Variants in TMEM141 observed in about 807,000 individuals in gnomAD.
TMEM141 encodes transmembrane protein 141.
TMEM141 carries 18 observed loss-of-function variants against 15.9 expected under a neutral mutation model. The ratio of observed to expected loss-of-function variants is 1.13; its 90% CI spans 0.78 to 1.68. TMEM141 has a LOEUF of 1.68. Ranked by LOEUF, TMEM141 falls within the 40% of genes most tolerant of loss-of-function variation. The pLI, the probability that TMEM141 is intolerant of heterozygous loss-of-function variation, is 0.00. For missense variants in TMEM141, 161 were observed against 139.5 expected (o/e 1.15, Z -0.78); for synonymous variants, 69 against 54.0 (o/e 1.28, Z -1.22).
In TMEM141 at chr9:136,791,949, A is replaced by G. The variant is rs1471833527; in HGVS notation, c.124A>G (p.Thr42Ala). Residue 42 changes from threonine (T) to alanine (A), a missense_variant and splice_region_variant, in exon 3 of 5, where the codon ACC (threonine) becomes GCC (alanine). Transcript: ENST00000290079. The part of the protein sequence containing the change: ...MKGVFTFVTG[T>A]GMAFGLQMFI... ...ATGGGGACCTCGGCTCTTTGCAGGC[A>G]CCGGCATGGCCTTTGGCTTGCAGAT... is the stretch of plus-strand genomic sequence containing the variant. The G allele has an allele frequency of 1.9e-6, 3 of 1,613,980 alleles. No individual in the cohort carries two copies. Among genetic ancestry groups the G allele is most frequent in the African/African-American group, 2.7e-5 (2 of 74,926 alleles).
chr9:136,792,149 C>A, intron 3 of TMEM141, 102 bp from the exon 4 acceptor site: 1 of 1,498,284 alleles, frequency 6.7e-7, no homozygotes, highest in Non-Finnish European at 9.1e-7. Context: ...GGGAGCCCCA[C>A]CTGAGCCCAC....
rs1444935590 is a variant in TMEM141 at position 136,792,839 on chromosome 9, T to G, written c.*7T>G. The G allele has an allele frequency of 6.4e-7, 1 of 1,559,246 alleles. No homozygotes were observed. Among genetic ancestry groups the G allele is most frequent in the Admixed American group, 1.9e-5 (1 of 52,422 alleles). ...TACAGATCAGAGAAGCTAGGAGAGC[T>G]CCAGCAGGGGCACAGAGGATTGGGG... On this transcript the variant is annotated 3_prime_UTR_variant, in exon 5 of 5. Transcript: ENST00000290079.
At position 136,791,389 on chromosome 9, in the gene TMEM141, T is replaced by A. The variant is rs934913348; in HGVS notation, c.19T>A (p.Ser7Thr). 1 of 1,561,324 alleles carries A rather than the reference T, an allele frequency of 6.4e-7. No individual in the cohort carries two copies. The highest frequency in any genetic ancestry group is 1.4e-5 in the African/African-American group (1 of 73,614). The part of the protein sequence containing the change: MVNLGL[S>T]RVDDAVAAKH... ...GCCAACCATGGTGAACTTGGGTCTG[T>A]CCCGGGTGGACGACGCCGTGGCTGC... Residue 7 changes from serine (S) to threonine (T), a missense_variant, in exon 1 of 5, where the codon TCC (serine) becomes ACC (threonine). By Grantham distance (58) the Ser-to-Thr change is moderately conservative. Coordinates refer to ENST00000290079, the MANE Select transcript of TMEM141 (RefSeq NM_032928.4).
rs780128727 is a variant in TMEM141, at chr9:136,792,294, G to A, written c.249G>A (p.Ser83=). 8.8e-6 allele frequency: 14 copies of A among 1,590,064 alleles called. No individual in the cohort carries two copies. The highest frequency in any genetic ancestry group is 2.7e-5 in the African/African-American group (2 of 74,412). ...GCTACGGGGTGACGAGAGTGGAGTC[G>A]GAGAAATGCAACAACCTCTGGCTCT... ...VVSYGVTRVE[S]EKCNNLWLFL... The change falls in exon 4 of 5, where the codon TCG becomes TCA. Residue 83 remains serine, a synonymous_variant. Coordinates refer to ENST00000290079, the MANE Select transcript of TMEM141 (RefSeq NM_032928.4).
At position 136,791,932 on chromosome 9, in the gene TMEM141, C is replaced by T. The variant is rs762443685; in HGVS notation, c.122-15C>T. On this transcript the variant is annotated splice_polypyrimidine_tract_variant and intron_variant, in intron 2 of 4. Transcript: ENST00000290079. ...TCCCCGGGTACAGGTTGATGGGGAC[C>T]TCGGCTCTTTGCAGGCACCGGCATG... 1 of 1,614,066 alleles carries T rather than the reference C, an allele frequency of 6.2e-7. No individual in the cohort carries two copies. The highest frequency in any genetic ancestry group is 1.1e-5 in the South Asian group (1 of 91,086).
chr9:136,791,585 G>A (rs1847590262), intron 1 of TMEM141, 126 bp from the exon 2 acceptor site: 1 of 1,567,110 alleles, frequency 6.4e-7, no homozygotes, highest in South Asian at 1.2e-5. Flanking sequence ...CATAGGGGAG[G>A]TGGGACGTGT....
intron 3 of TMEM141, 75 bp downstream of exon 3, chr9:136,792,105 T>C: frequency 6.3e-7 from 1 of 1,581,544 alleles, no homozygotes; most frequent in East Asian, 2.2e-5. Context: ...TGGTTCTGCG[T>C]CCCTGACTCT....
intron 4 of TMEM141, 146 bp from the exon 5 acceptor site, chr9:136,792,673 T>C: frequency 1.5e-6 from 1 of 656,738 alleles, no homozygotes; most frequent in Non-Finnish European, 2.7e-6. Context: ...GAGGCTGGAC[T>C]GAGAAGCCCC....
In TMEM141 at chr9:136,792,847, G is replaced by A. The variant is rs10485; in HGVS notation, c.*15G>A. On this transcript the variant is annotated 3_prime_UTR_variant, in exon 5 of 5. Coordinates refer to ENST00000290079, the MANE Select transcript of TMEM141 (RefSeq NM_032928.4). Reference sequence around the variant, plus strand: ...AGAGAAGCTAGGAGAGCTCCAGCAGGGGCACAGAGGATTGGGGGCAGGAGG... The same window carrying A: ...AGAGAAGCTAGGAGAGCTCCAGCAGAGGCACAGAGGATTGGGGGCAGGAGG... The A allele has an allele frequency of 9.4e-5, 146 of 1,550,830 alleles. No individual in the cohort carries two copies. Among genetic ancestry groups the A allele is most frequent in the Non-Finnish European group, 8.6e-5 (99 of 1,147,868 alleles).
chr9:136,792,912 G>T lies in TMEM141; in HGVS notation c.*80G>T. ...CCTTCATGCCCCCTGACCCCAGGCC[G>T]ACCCTCCCCACACCCTAGGGTACCC... On this transcript the variant is annotated 3_prime_UTR_variant, in exon 5 of 5. Transcript: ENST00000290079. 2 of 1,430,658 alleles carry T rather than the reference G, an allele frequency of 1.4e-6. No individual in the cohort carries two copies. The highest frequency in any genetic ancestry group is 3.2e-5 in the South Asian group (2 of 62,430). The allele number at this position is 1,430,658 out of a possible 1,614,324, so 88.6% of individuals were successfully genotyped here.
Position 136,792,021 on chromosome 9 carries a change from G to T in TMEM141, c.196G>T (p.Val66Leu). The change falls in exon 3 of 5, where the codon GTG becomes TTG. Residue 66 changes from valine to leucine, a missense_variant. Physicochemically the swap from Val to Leu is conservative, Grantham distance 32. Transcript: ENST00000290079. ...ATACCCTTTGCAGTGGAGCCTCCTAGTGGCCGTGGGTGGGTACTCCAGGGC... is the reference window on the plus strand; with the variant it reads ...ATACCCTTTGCAGTGGAGCCTCCTATTGGCCGTGGGTGGGTACTCCAGGGC... ...FPYPLQWSLL[V>L]AVVAGSVVSY... 1 of 1,613,896 alleles carries T rather than the reference G, an allele frequency of 6.2e-7. No homozygotes were observed. The highest frequency in any genetic ancestry group is 8.5e-7 in the Non-Finnish European group (1 of 1,179,982).
In TMEM141 at chr9:136,792,940, G is replaced by T; in HGVS notation, c.*108G>T. On this transcript the variant is annotated 3_prime_UTR_variant, in exon 5 of 5. Transcript: ENST00000290079. ...CCTCCCCACACCCTAGGGTACCCCA[G>T]TCGTATCCTCTGTCCGCATGTGTGG... The T allele has an allele frequency of 7.4e-7, 1 of 1,360,322 alleles. No individual in the cohort carries two copies. The highest frequency in any genetic ancestry group is 9.5e-7 in the Non-Finnish European group (1 of 1,049,468). The allele number at this position is 1,360,322 out of a possible 1,614,324, so 84.3% of individuals were successfully genotyped here.
chr9:136,792,667 C>A, intron 4 of TMEM141, 152 bp from the exon 5 acceptor site: 1 of 645,520 alleles, frequency 1.5e-6, no homozygotes, highest in Non-Finnish European at 2.7e-6. Flanking sequence ...AGGAGTGAGG[C>A]TGGACTGAGA....
rs1847603675 is a variant in TMEM141 at position 136,792,734 on chromosome 9, C to T, written c.314-85C>T. The T allele has an allele frequency of 1.5e-5, 16 of 1,094,874 alleles. 1 individual carries two copies. The South Asian group carries it at 2.5e-4, about 17-fold the overall frequency. The allele number at this position is 1,094,874 out of a possible 1,614,324, so 67.8% of individuals were successfully genotyped here. A position where few individuals can be genotyped will look rare whatever the true frequency, so the allele number is the denominator to read the frequency against. On this transcript the variant is annotated intron_variant, in intron 4 of 4. Coordinates refer to ENST00000290079, the MANE Select transcript of TMEM141 (RefSeq NM_032928.4). ...CTGCCCGTTGTCCTTGTTACGGAACCCAGTTTCTGCCATGATAAAATGGGC... is the reference window on the plus strand; with the variant it reads ...CTGCCCGTTGTCCTTGTTACGGAACTCAGTTTCTGCCATGATAAAATGGGC...
chr9:136,792,399 C>A, intron 4 of TMEM141, 41 bp downstream of exon 4: 1 of 1,496,256 alleles, frequency 6.7e-7, no homozygotes, highest in Non-Finnish European at 9.1e-7. Context: ...AATGCCACCT[C>A]TCCAGCACCC....
Position 136,791,776 on chromosome 9 carries a change from AGG to A in TMEM141, c.121_121+1del, listed in dbSNP as rs1330806842. The A allele has an allele frequency of 6.2e-7, 1 of 1,612,944 alleles. No individual in the cohort carries two copies. The highest frequency in any genetic ancestry group is 8.5e-7 in the Non-Finnish European group (1 of 1,179,822). ...TGAAGGGCGTTTTCACCTTCGTCAC[AGG>A]TAGGCTGCGTCCAGGTGTCCTGCGG... On this transcript the variant is annotated splice_donor_variant and coding_sequence_variant, in exon 2 of 5. Transcript: ENST00000290079. LOFTEE classifies it high-confidence loss of function.
chr9:136,792,859 T>C lies in TMEM141; in HGVS notation c.*27T>C, dbSNP rs1588326036. The C allele has an allele frequency of 1.6e-5, 25 of 1,541,722 alleles. No individual in the cohort carries two copies. The East Asian group carries it at 5.2e-4, about 32-fold the overall frequency. ...AGAGCTCCAGCAGGGGCACAGAGGA[T>C]TGGGGGCAGGAGGAGTCTGGAACAC... On this transcript the variant is annotated 3_prime_UTR_variant, in exon 5 of 5. Coordinates refer to ENST00000290079, the MANE Select transcript of TMEM141 (RefSeq NM_032928.4).
chr9:136,791,877 C>T (rs1269049381), intron 2 of TMEM141, 70 bp from the exon 3 acceptor site: 4 of 1,611,268 alleles, frequency 2.5e-6, no homozygotes, highest in Non-Finnish European at 3.4e-6. Context: ...CCCGCAGGTG[C>T]TGGGGGCCTG....
chr9:136,791,536 G>A (rs1847589770), intron 1 of TMEM141, 112 bp downstream of exon 1: 1 of 1,550,478 alleles, frequency 6.4e-7, no homozygotes, highest in South Asian at 1.2e-5. Context: ...GGAGGCTGGG[G>A]GCACTCTCTT....
Sources: allele counts gnomAD v4.1 joint callset, GRCh38; gene constraint gnomAD v4.1.1; transcripts MANE v1.5; gene names NCBI Gene and HGNC (gene_info 2026-07-23, HGNC 2026-07-21).